The following SCHIP1 variants were observed in gnomAD, a reference collection of about 807,000 sequenced individuals.
SCHIP1 encodes the protein schwannomin interacting protein 1, also known as schwannomin-interacting protein 1.
In SCHIP1, 8 loss-of-function variants were observed where a neutral mutation model predicts 29.7. The ratio of observed to expected loss-of-function variants is 0.27; its 90% CI spans 0.16 to 0.49. The LOEUF (loss-of-function observed/expected upper bound fraction) is 0.49. Ranked by LOEUF, SCHIP1 falls within the 20% of genes least tolerant of loss-of-function variation. The probability of loss-of-function intolerance (pLI) is 0.99; values close to 1 mark genes in which losing one functional copy is unlikely to be tolerated. For synonymous variants in SCHIP1, 76 were observed against 94.9 expected (o/e 0.80, Z 1.16); for missense variants, 193 against 294.6 (o/e 0.66, Z 2.52).
the SCHIP1 span, among the ~76,000 whole-genome samples, chr3:159,676,314 G>A: frequency 1.3e-5 from 2 of 152,182 alleles, no homozygotes; most frequent in African/African-American, 4.8e-5. Context: ...TTATGCTGAA[G>A]ATAAACAGTG....
chr3:159,645,668 A>G, the SCHIP1 span, among the ~76,000 whole-genome samples: 1 of 152,120 alleles, frequency 6.6e-6, no homozygotes, highest in Non-Finnish European at 1.5e-5. Flanking sequence ...AGCCATTGCC[A>G]TCAAGGGCAT....
Position 159,892,597 on chromosome 3 carries a change from G to T in SCHIP1, c.683+407G>T, listed in dbSNP as rs916789886. The T allele has an allele frequency of 2.2e-5, 6 of 267,576 alleles. No homozygotes were observed. In the East Asian group the frequency reaches 4.5e-4, roughly 20 times the overall value. The allele number at this position is 267,576 out of a possible 1,614,324, so 16.6% of individuals were successfully genotyped here. A position where few individuals can be genotyped will look rare whatever the true frequency, so the allele number is the denominator to read the frequency against. On this transcript the variant is annotated intron_variant, in intron 6 of 6. Transcript: ENST00000445224. ...CTCTTGTATGATCCAGTTCTTGATC[G>T]CCTCTGCCATGCCCAGAAGGCAGGG... is the stretch of plus-strand genomic sequence containing the variant.
the SCHIP1 span, among the ~76,000 whole-genome samples, chr3:159,412,723 G>C: frequency 6.6e-6 from 1 of 152,132 alleles, no homozygotes; most frequent in Non-Finnish European, 1.5e-5. Context: ...AACGAAAAAA[G>C]ACTGGTACCT....
At chr3:159,627,662 C>T in the SCHIP1 span, among the ~76,000 whole-genome samples, 1 of 152,102 alleles carries the variant, frequency 6.6e-6, no homozygotes. Flanking sequence ...GATGGCCTAG[C>T]CAGGTTGAGC....
the SCHIP1 span, among the ~76,000 whole-genome samples, chr3:159,573,943 A>G: frequency 6.6e-6 from 1 of 152,186 alleles, no homozygotes. Flanking sequence ...TTCTCGTGCC[A>G]TGGTTTTCAG....
the SCHIP1 span, among the ~76,000 whole-genome samples, chr3:159,752,143 G>C: frequency 6.6e-6 from 1 of 151,340 alleles, no homozygotes; most frequent in Admixed American, 6.6e-5. Flanking sequence ...AGTTTCCTGA[G>C]GCCTCCCCTT....
the SCHIP1 span, among the ~76,000 whole-genome samples, chr3:159,479,246 T>C: frequency 6.6e-6 from 1 of 152,162 alleles, no homozygotes; most frequent in African/African-American, 2.4e-5. Flanking sequence ...AGTATTATGC[T>C]TTTTATATGT....
chr3:159,597,618 A>T, the SCHIP1 span, among the ~76,000 whole-genome samples: 1 of 152,062 alleles, frequency 6.6e-6, no homozygotes, highest in Non-Finnish European at 1.5e-5. Context: ...CCTTTTTTTT[A>T]AAAAACAGGC....
the SCHIP1 span, among the ~76,000 whole-genome samples, chr3:159,590,641 G>C: frequency 1.5e-3 from 222 of 152,078 alleles, no homozygotes; most frequent in African/African-American, 5.1e-3. Context: ...CTCTATGCAT[G>C]GTGTGTTAAA....
the SCHIP1 span, among the ~76,000 whole-genome samples, chr3:159,422,942 G>A: frequency 1.8e-5 from 2 of 113,738 alleles, no homozygotes; most frequent in African/African-American, 2.8e-5. Context: ...AAACATGTAG[G>A]ATATTCTATT....
chr3:159,281,804 C>G, the SCHIP1 span, among the ~76,000 whole-genome samples: 1 of 151,942 alleles, frequency 6.6e-6, no homozygotes, highest in Non-Finnish European at 1.5e-5. Flanking sequence ...TGTGTATATT[C>G]ATTTTAGAAA....
the SCHIP1 span, among the ~76,000 whole-genome samples, chr3:159,520,162 A>G: frequency 6.6e-6 from 1 of 152,040 alleles, no homozygotes; most frequent in Admixed American, 6.6e-5. Context: ...GTAAAATTAT[A>G]ACAAGGTGAG....
the SCHIP1 span, among the ~76,000 whole-genome samples, chr3:159,401,840 G>A: frequency 6.6e-6 from 1 of 152,124 alleles, no homozygotes; most frequent in South Asian, 2.1e-4. Context: ...TAAGATATAA[G>A]GAAGGGATCC....
the SCHIP1 span, among the ~76,000 whole-genome samples, chr3:159,492,365 C>A: frequency 5.3e-5 from 8 of 152,056 alleles, no homozygotes; most frequent in African/African-American, 1.9e-4. Context: ...AAAGATTAGA[C>A]AAATGGGTAA....
chr3:159,626,617 C>A, the SCHIP1 span, among the ~76,000 whole-genome samples: 1 of 152,094 alleles, frequency 6.6e-6, no homozygotes, highest in African/African-American at 2.4e-5. Flanking sequence ...CAAAGCTTAG[C>A]AAACATAACA....
chr3:159,310,646 C>T, the SCHIP1 span, among the ~76,000 whole-genome samples: 1 of 152,088 alleles, frequency 6.6e-6, no homozygotes, highest in Middle Eastern at 3.2e-3. Context: ...AATGATAACA[C>T]AATGAATGGG....
the SCHIP1 span, among the ~76,000 whole-genome samples, chr3:159,649,278 T>A: frequency 5.6e-4 from 85 of 152,160 alleles, no homozygotes; most frequent in Non-Finnish European, 1.1e-3. Flanking sequence ...TCAGTCTCCA[T>A]TTGCCATTGT....
At chr3:159,720,067 T>C in the SCHIP1 span, among the ~76,000 whole-genome samples, 3 of 152,200 alleles carry the variant, frequency 2.0e-5, no homozygotes, top group African/African-American at 7.2e-5. Context: ...AGTGAGTTCA[T>C]GTCCTTTGTA....
At chr3:159,513,956 G>A in the SCHIP1 span, among the ~76,000 whole-genome samples, 47 of 152,190 alleles carry the variant, frequency 3.1e-4, no homozygotes, top group Non-Finnish European at 6.3e-4. Context: ...TATTGTGTCT[G>A]TTGGACAATA....
Sources: allele counts gnomAD v4.1 joint callset (sites outside exome capture counted in the v4.1 genomes callset), GRCh38; gene constraint gnomAD v4.1.1; transcripts MANE v1.5; gene names NCBI Gene and HGNC (gene_info 2026-07-23, HGNC 2026-07-21).